The following TMEM151B variants were observed in gnomAD, a reference collection of about 807,000 sequenced individuals.
The protein encoded by TMEM151B is transmembrane protein 193.
Under a neutral mutation model 33.0 loss-of-function variants are expected in TMEM151B, and 18 were observed. The observed-to-expected ratio is 0.55, with a 90% CI of 0.38 to 0.81. The LOEUF (loss-of-function observed/expected upper bound fraction) is 0.81. Among genes scored for constraint, TMEM151B ranks in the 30% least tolerant of loss-of-function variants. The probability of loss-of-function intolerance (pLI) is 0.00; values close to 1 mark genes in which losing one functional copy is unlikely to be tolerated. For synonymous variants in TMEM151B, 354 were observed against 373.6 expected (o/e 0.95, Z 0.61); for missense variants, 672 against 843.4 (o/e 0.80, Z 2.52).
At position 44,279,397 on chromosome 6, in the gene TMEM151B, T is replaced by C. The variant is rs1196094745; in HGVS notation, c.*2870T>C. On this transcript the variant is annotated 3_prime_UTR_variant, in exon 3 of 3. Coordinates refer to ENST00000451188, the MANE Select transcript of TMEM151B (RefSeq NM_001137560.2). ...TTTGTCGTGGATTTAAGCGCAAAGA[T>C]TGTACAAATCAAACTGGTGGATAAT... 6.6e-6 allele frequency: 1 copy of C among 152,144 alleles called. No homozygotes were observed. Among genetic ancestry groups the C allele is most frequent in the African/African-American group, 2.4e-5 (1 of 41,402 alleles). The allele number at this position is 152,144 out of a possible 1,614,324, so 9.4% of individuals were successfully genotyped here. A position where few individuals can be genotyped will look rare whatever the true frequency, so the allele number is the denominator to read the frequency against.
chr6:44,273,001 G>T (rs1782427006), intron 1 of TMEM151B, 65 bp from the exon 2 acceptor site: 1 of 1,358,962 alleles, frequency 7.4e-7, no homozygotes. Context: ...ATCCATCTCT[G>T]TGCTGGGTCC....
chr6:44,270,884 G>A lies in TMEM151B; in HGVS notation c.135+7G>A. Reference sequence around the variant, plus strand: ...GGGCCCCGCCCGAGAGGAGGTGAGAGTCTAGGGCGCCCCTTCCCCGGGCGC... The same window carrying A: ...GGGCCCCGCCCGAGAGGAGGTGAGAATCTAGGGCGCCCCTTCCCCGGGCGC... On this transcript the variant is annotated splice_region_variant and intron_variant, in intron 1 of 2. Coordinates refer to ENST00000451188, the MANE Select transcript of TMEM151B (RefSeq NM_001137560.2). 9.2e-7 allele frequency: 1 copy of A among 1,083,726 alleles called. No homozygotes were observed. The highest frequency in any genetic ancestry group is 1.1e-6 in the Non-Finnish European group (1 of 895,346). 67.1% of individuals were successfully genotyped at this position (1,083,726 alleles called of 1,614,324 possible).
rs774769249 is a variant in TMEM151B, at chr6:44,273,213, G to T, written c.283G>T (p.Ala95Ser). ...TTVTRLTFSS[A>S]YQGNSLMYHD... The stretch of plus-strand genomic sequence containing the variant: ...AGTGACGCGCCTCACCTTCAGCAGC[G>T]CCTACCAGGGCAACAGCCTCATGTA... The change falls in exon 2 of 3, where the codon GCC (alanine) becomes TCC (serine). Residue 95 changes from alanine (A) to serine (S), a missense_variant. By Grantham distance (99) the Ala-to-Ser change is moderately conservative. Around this residue, in one of 3 missense-constraint regions of TMEM151B, gnomAD observed 285 missense variants for 423.1 expected, o/e 0.67. Transcript: ENST00000451188. 8.4e-6 allele frequency: 13 copies of T among 1,550,326 alleles called. No homozygotes were observed. Among genetic ancestry groups the T allele is most frequent in the Non-Finnish European group, 1.1e-5 (13 of 1,145,906 alleles).
rs1782290540 is a variant in TMEM151B at position 44,270,728 on chromosome 6, C to T, written c.-15C>T. On this transcript the variant is annotated 5_prime_UTR_variant, in exon 1 of 3. Coordinates refer to ENST00000451188, the MANE Select transcript of TMEM151B (RefSeq NM_001137560.2). ...CCCCCGGGAGGTCCTGAGCTCGACG[C>T]GCCCCCTCTACGCCATGTCCCCCCC... The T allele has an allele frequency of 2.8e-6, 3 of 1,070,246 alleles. No homozygotes were observed. The highest frequency in any genetic ancestry group is 5.0e-5 in the Admixed American group (1 of 20,004). The allele number at this position is 1,070,246 out of a possible 1,614,324, so 66.3% of individuals were successfully genotyped here. A position where few individuals can be genotyped will look rare whatever the true frequency, so the allele number is the denominator to read the frequency against.
Position 44,275,701 on chromosome 6 carries a change from G to C in TMEM151B, c.875G>C (p.Arg292Pro). ...ATGGTGGCCTTCCCGGACCCGGCCCGGCCGCCCTGGTACGCCTGCTCGTCG... is the reference window on the plus strand; with the variant it reads ...ATGGTGGCCTTCCCGGACCCGGCCCCGCCGCCCTGGTACGCCTGCTCGTCG... Reference protein sequence around the residue: ...EFMVAFPDPARPPWYACSSAF... With the variant: ...EFMVAFPDPAPPPWYACSSAF... Residue 292 changes from arginine (R) to proline (P), a missense_variant, in exon 3 of 3, where the codon CGG becomes CCG. Arg to Pro is a moderately radical substitution (Grantham distance 103). Coordinates refer to ENST00000451188, the MANE Select transcript of TMEM151B (RefSeq NM_001137560.2). 1 of 1,550,520 alleles carries C rather than the reference G, an allele frequency of 6.4e-7. No homozygotes were observed. Among genetic ancestry groups the C allele is most frequent in the Non-Finnish European group, 8.7e-7 (1 of 1,146,664 alleles).
intron 1 of TMEM151B, among the ~76,000 whole-genome samples, 192 bp downstream of exon 1, chr6:44,271,069 C>A (rs1397506045): frequency 6.7e-6 from 1 of 150,044 alleles, no homozygotes; most frequent in Non-Finnish European, 1.5e-5. Context: ...GGGAAGGGGC[C>A]GCGCCGGGGG....
Position 44,276,058 on chromosome 6 carries a change from C to T in TMEM151B, c.1232C>T (p.Pro411Leu), listed in dbSNP as rs1381266214. ...GGCGGGGCAGGCGGCGGCTACGCGCCCTCGTGCCGCTACGGTGGGGTAGGC... is the reference window on the plus strand; with the variant it reads ...GGCGGGGCAGGCGGCGGCTACGCGCTCTCGTGCCGCTACGGTGGGGTAGGC... The part of the protein sequence containing the change: ...RCGGAGGGYA[P>L]SCRYGGVGGP... Residue 411 changes from proline to leucine, a missense_variant, in exon 3 of 3, where the codon CCC (proline) becomes CTC (leucine). Coordinates refer to ENST00000451188, the MANE Select transcript of TMEM151B (RefSeq NM_001137560.2). The T allele has an allele frequency of 1.5e-6, 2 of 1,342,178 alleles. No individual in the cohort carries two copies. Among genetic ancestry groups the T allele is most frequent in the Non-Finnish European group, 1.9e-6 (2 of 1,053,290 alleles). 83.1% of individuals were successfully genotyped at this position (1,342,178 alleles called of 1,614,324 possible).
rs189008456 is a variant in TMEM151B at position 44,279,277 on chromosome 6, C to T, written c.*2750C>T. ...ACTCATGTAGGGCACCTGGAAGGCT[C>T]CATGTGTCCTGGGGACAAGGGCTTG... On this transcript the variant is annotated 3_prime_UTR_variant, in exon 3 of 3. Coordinates refer to ENST00000451188, the MANE Select transcript of TMEM151B (RefSeq NM_001137560.2). The T allele has an allele frequency of 6.6e-6, 1 of 152,492 alleles. No individual in the cohort carries two copies. The highest frequency in any genetic ancestry group is 6.5e-5 in the Admixed American group (1 of 15,306). 9.4% of individuals were successfully genotyped at this position (152,492 alleles called of 1,614,324 possible).
rs984887299 is a variant in TMEM151B, at chr6:44,278,447, C to G, written c.*1920C>G. The G allele has an allele frequency of 2.0e-5, 3 of 152,284 alleles. No individual in the cohort carries two copies. The highest frequency in any genetic ancestry group is 6.5e-5 in the Admixed American group (1 of 15,282). 9.4% of individuals were successfully genotyped at this position (152,284 alleles called of 1,614,324 possible). On this transcript the variant is annotated 3_prime_UTR_variant, in exon 3 of 3. Coordinates refer to ENST00000451188, the MANE Select transcript of TMEM151B (RefSeq NM_001137560.2). ...AGCACCCTTCTTTCCTCTGAATGGACATCTGTGAGGTACAGGTGGTGAGCT... is the reference window on the plus strand; with the variant it reads ...AGCACCCTTCTTTCCTCTGAATGGAGATCTGTGAGGTACAGGTGGTGAGCT...
Position 44,277,699 on chromosome 6 carries a change from A to G in TMEM151B, c.*1172A>G, listed in dbSNP as rs1782647898. Reference sequence around the variant, plus strand: ...TCCAATGGCAGGGTCAGAGGCAAGCATTCTCTAAATCTTGCCCAACCCTTC... The same window carrying G: ...TCCAATGGCAGGGTCAGAGGCAAGCGTTCTCTAAATCTTGCCCAACCCTTC... On this transcript the variant is annotated 3_prime_UTR_variant, in exon 3 of 3. Coordinates refer to ENST00000451188, the MANE Select transcript of TMEM151B (RefSeq NM_001137560.2). 6.6e-6 allele frequency: 1 copy of G among 152,168 alleles called. No homozygotes were observed. The highest frequency in any genetic ancestry group is 2.4e-5 in the African/African-American group (1 of 41,404). 9.4% of individuals were successfully genotyped at this position (152,168 alleles called of 1,614,324 possible).
chr6:44,276,714 C>T lies in TMEM151B; in HGVS notation c.*187C>T. The T allele has an allele frequency of 9.2e-6, 11 of 1,190,778 alleles. No individual in the cohort carries two copies. Among genetic ancestry groups the T allele is most frequent in the Non-Finnish European group, 1.2e-5 (11 of 949,618 alleles). 73.8% of individuals were successfully genotyped at this position (1,190,778 alleles called of 1,614,324 possible). A position where few individuals can be genotyped will look rare whatever the true frequency, so the allele number is the denominator to read the frequency against. On this transcript the variant is annotated 3_prime_UTR_variant, in exon 3 of 3. Coordinates refer to ENST00000451188, the MANE Select transcript of TMEM151B (RefSeq NM_001137560.2). The stretch of plus-strand genomic sequence containing the variant: ...CCGCTGTCCCTGTACATAAAGAGAC[C>T]GATGGGTGGGAGGGGGTCGGCTGCT...
chr6:44,276,639 G>T lies in TMEM151B; in HGVS notation c.*112G>T. On this transcript the variant is annotated 3_prime_UTR_variant, in exon 3 of 3. Transcript: ENST00000451188. ...GGTGACTGAGGCCGCGCGGGGGGCA[G>T]GGAAAGGGAGGTGAGGGCCGCAAGA... 7 of 1,285,022 alleles carry T rather than the reference G, an allele frequency of 5.4e-6. No individual in the cohort carries two copies. Among genetic ancestry groups the T allele is most frequent in the Non-Finnish European group, 6.9e-6 (7 of 1,016,690 alleles). The allele number at this position is 1,285,022 out of a possible 1,614,324, so 79.6% of individuals were successfully genotyped here.
rs927780337 is a variant in TMEM151B, at chr6:44,270,847, G to A, written c.105G>A (p.Ala35=). 4 of 1,121,232 alleles carry A rather than the reference G, an allele frequency of 3.6e-6. No homozygotes were observed. Among genetic ancestry groups the A allele is most frequent in the East Asian group, 9.8e-5 (2 of 20,344 alleles). The allele number at this position is 1,121,232 out of a possible 1,614,324, so 69.5% of individuals were successfully genotyped here. The change falls in exon 1 of 3, where the codon GCG becomes GCA. Residue 35 remains alanine, a synonymous_variant. Transcript: ENST00000451188. ...SEELTAAAAA[A]AADEGPAREE... ...AGCTCACGGCGGCGGCGGCAGCGGC[G>A]GCGGCGGACGAGGGCCCCGCCCGAG... is the stretch of plus-strand genomic sequence containing the variant.
At chr6:44,272,967 TG>T in intron 1 of TMEM151B, 98 bp from the exon 2 acceptor site, 2 of 1,021,826 alleles carry the variant, frequency 2.0e-6, no homozygotes, top group Non-Finnish European at 2.8e-6. Flanking sequence ...TCTCTGGTGC[TG>T]GCCTCTGCCC....
At position 44,276,087 on chromosome 6, in the gene TMEM151B, C is replaced by T. The variant is rs567902176; in HGVS notation, c.1261C>T (p.Pro421Ser). The change falls in exon 3 of 3, where the codon CCG (proline) becomes TCG (serine). Residue 421 changes from proline (P) to serine (S), a missense_variant. Coordinates refer to ENST00000451188, the MANE Select transcript of TMEM151B (RefSeq NM_001137560.2). ...PSCRYGGVGG[P>S]GAAGVAPYRR... The stretch of plus-strand genomic sequence containing the variant: ...GTGCCGCTACGGTGGGGTAGGCGGC[C>T]CGGGCGCGGCGGGCGTGGCTCCCTA... 276 of 1,321,542 alleles carry T rather than the reference C, an allele frequency of 2.1e-4. 1 individual carries two copies. The African/African-American group carries it at 3.9e-3, about 19-fold the overall frequency. The allele number at this position is 1,321,542 out of a possible 1,614,324, so 81.9% of individuals were successfully genotyped here. A position where few individuals can be genotyped will look rare whatever the true frequency, so the allele number is the denominator to read the frequency against.
rs1263178807 is a variant in TMEM151B, at chr6:44,275,705, G to C, written c.879G>C (p.Pro293=). ...FMVAFPDPAR[P]PWYACSSAFW... ...TGGCCTTCCCGGACCCGGCCCGGCC[G>C]CCCTGGTACGCCTGCTCGTCGGCCT... is the stretch of plus-strand genomic sequence containing the variant. Residue 293 remains proline (P), a synonymous_variant, in exon 3 of 3, where the codon CCG becomes CCC. Transcript: ENST00000451188. 1 of 1,549,964 alleles carries C rather than the reference G, an allele frequency of 6.5e-7. No individual in the cohort carries two copies. Among genetic ancestry groups the C allele is most frequent in the Admixed American group, 2.0e-5 (1 of 50,982 alleles).
At position 44,275,432 on chromosome 6, in the gene TMEM151B, G is replaced by A. The variant is rs1469427850; in HGVS notation, c.606G>A (p.Val202=). The A allele has an allele frequency of 2.0e-6, 3 of 1,535,096 alleles. No individual in the cohort carries two copies. The highest frequency in any genetic ancestry group is 1.8e-6 in the Non-Finnish European group (2 of 1,135,736). Residue 202 remains valine (V), a synonymous_variant, in exon 3 of 3, where the codon GTG becomes GTA. Coordinates refer to ENST00000451188, the MANE Select transcript of TMEM151B (RefSeq NM_001137560.2). ...QVYHERVNTH[V]AEAEFDYARC... The stretch of plus-strand genomic sequence containing the variant: ...ACCACGAACGCGTCAACACGCACGT[G>A]GCGGAGGCTGAGTTCGACTACGCGC...
chr6:44,276,233 C>G lies in TMEM151B; in HGVS notation c.1407C>G (p.Cys469Trp). 7.7e-7 allele frequency: 1 copy of G among 1,295,194 alleles called. No homozygotes were observed. The highest frequency in any genetic ancestry group is 9.8e-7 in the Non-Finnish European group (1 of 1,025,072). 80.2% of individuals were successfully genotyped at this position (1,295,194 alleles called of 1,614,324 possible). Residue 469 changes from cysteine to tryptophan, a missense_variant, in exon 3 of 3, where the codon TGC becomes TGG. By Grantham distance (215) the Cys-to-Trp change is radical (BLOSUM62 -2). Coordinates refer to ENST00000451188, the MANE Select transcript of TMEM151B (RefSeq NM_001137560.2). Reference protein sequence around the residue: ...AGPGPGGGAGCGGSRFSLGRL... With the variant: ...AGPGPGGGAGWGGSRFSLGRL... ...CGGGGCCCGGTGGGGGCGCGGGCTG[C>G]GGGGGCAGCCGCTTCTCGCTGGGCC... is the stretch of plus-strand genomic sequence containing the variant.
Position 44,270,841 on chromosome 6 carries a change from A to AGCG in TMEM151B, c.110_112dup (p.Ala37dup), listed in dbSNP as rs1782299502. 5 of 1,123,302 alleles carry AGCG rather than the reference A, an allele frequency of 4.5e-6. No homozygotes were observed. The highest frequency in any genetic ancestry group is 4.8e-5 in the East Asian group (1 of 20,862). 69.6% of individuals were successfully genotyped at this position (1,123,302 alleles called of 1,614,324 possible). ...CGGAGGAGCTCACGGCGGCGGCGGCAGCGGCGGCGGCGGACGAGGGCCCCG... is the reference window on the plus strand; with the variant it reads ...CGGAGGAGCTCACGGCGGCGGCGGCAGCGGCGGCGGCGGCGGACGAGGGCCCCG... On this transcript the variant is annotated inframe_insertion, in exon 1 of 3. Transcript: ENST00000451188.
Sources: gnomAD v4.1 joint callset for allele counts (sites outside exome capture counted in the v4.1 genomes callset) on GRCh38, gnomAD v4.1.1 for gene constraint, gnomAD v4.1.1 regional missense constraint, MANE v1.5 for transcripts, NCBI Gene and HGNC (gene_info 2026-07-23, HGNC 2026-07-21) for gene names.